Variants in RABGAP1L observed in about 807,000 individuals in gnomAD.
RABGAP1L encodes the protein RAB GTPase activating protein 1 like.
In RABGAP1L, 63 loss-of-function variants were observed where a neutral mutation model predicts 137.7. The observed-to-expected ratio is 0.46, with a 90% confidence interval of 0.37 to 0.56. RABGAP1L has a LOEUF of 0.56. Ranked by LOEUF, RABGAP1L falls within the 20% of genes least tolerant of loss-of-function variation. The pLI is 0.00. For missense variants in RABGAP1L, 1,095 were observed against 1,244.0 expected, an observed-to-expected ratio of 0.88 and a Z score of 1.80; for synonymous variants, 431 against 433.7, an observed-to-expected ratio of 0.99 and a Z score of 0.08.
chr1:174,552,749 G>A (rs747895490), intron 13 of RABGAP1L, among the ~76,000 whole-genome samples: 4 of 152,146 alleles, frequency 2.6e-5, no homozygotes, highest in Non-Finnish European at 5.9e-5. Context: ...TCAGTAATGG[G>A]TTTGCTGAGT....
chr1:174,784,661 T>A (rs1754357), intron 18 of RABGAP1L, among the ~76,000 whole-genome samples: 151,941 of 152,354 alleles, frequency 1, 75,768 homozygotes, highest in Middle Eastern at 1. Context: ...GAATCGGAGT[T>A]CAAAGCCAAG....
At chr1:174,503,994 A>G (rs1480053499) in intron 13 of RABGAP1L, among the ~76,000 whole-genome samples, 1 of 148,222 alleles carries the variant, frequency 6.7e-6, no homozygotes, top group African/African-American at 2.5e-5. Flanking sequence ...TTTTTTTGTG[A>G]CAAGGTCTGG....
chr1:174,482,767 A>T (rs1288307770), intron 13 of RABGAP1L, among the ~76,000 whole-genome samples: 1 of 152,206 alleles, frequency 6.6e-6, no homozygotes, highest in African/African-American at 2.4e-5. Flanking sequence ...GTGAGCCACC[A>T]TGCCCTCACA....
intron 2 of RABGAP1L, among the ~76,000 whole-genome samples, chr1:174,220,534 C>T (rs377206788): frequency 2.6e-5 from 4 of 151,824 alleles, no homozygotes; most frequent in African/African-American, 4.8e-5. Context: ...TGGGTGTGGT[C>T]GTGCACGCCT....
intron 13 of RABGAP1L, among the ~76,000 whole-genome samples, chr1:174,417,723 C>T (rs951401126): frequency 7.9e-5 from 12 of 152,050 alleles, no homozygotes; most frequent in Admixed American, 2.0e-4. Flanking sequence ...TTAACACAGT[C>T]GTTTTAAGAA....
intron 19 of RABGAP1L, among the ~76,000 whole-genome samples, chr1:174,956,450 T>C (rs750420692): frequency 2.6e-5 from 4 of 152,224 alleles, no homozygotes; most frequent in Non-Finnish European, 4.4e-5. Flanking sequence ...CATAGGAATC[T>C]AGTCTTTTTT....
intron 10 of RABGAP1L, among the ~76,000 whole-genome samples, chr1:174,289,905 G>A (rs2148713832): frequency 6.6e-6 from 1 of 152,278 alleles, no homozygotes; most frequent in Admixed American, 6.5e-5. Flanking sequence ...ACAGCTGGAT[G>A]GCATTACAGT....
At chr1:174,296,016 A>G (rs921399426) in intron 10 of RABGAP1L, among the ~76,000 whole-genome samples, 4 of 152,206 alleles carry the variant, frequency 2.6e-5, no homozygotes, top group African/African-American at 7.2e-5. Context: ...GGAAACACAG[A>G]CGTTTAAAAA....
At chr1:174,267,305 A>C (rs1674156260) in intron 7 of RABGAP1L, among the ~76,000 whole-genome samples, 2 of 152,196 alleles carry the variant, frequency 1.3e-5, no homozygotes, top group Non-Finnish European at 2.9e-5. Context: ...AGTATAGCAA[A>C]CTTTTACTTC....
At chr1:174,847,633 C>G (rs1329549214) in intron 19 of RABGAP1L, among the ~76,000 whole-genome samples, 1 of 132,624 alleles carries the variant, frequency 7.5e-6, no homozygotes, top group Non-Finnish European at 1.6e-5. Flanking sequence ...GAGGGTAACC[C>G]GACCTTTCTC....
chr1:174,367,828 A>G (rs921724594), intron 11 of RABGAP1L: 1 of 172,748 alleles, frequency 5.8e-6, no homozygotes, highest in Non-Finnish European at 1.3e-5. Flanking sequence ...CAAAACCAGA[A>G]TTCTGTTGGA....
At chr1:174,699,050 A>G (rs1679462413) in intron 15 of RABGAP1L, among the ~76,000 whole-genome samples, 1 of 151,712 alleles carries the variant, frequency 6.6e-6, no homozygotes, top group South Asian at 2.1e-4. Context: ...GCTGTAATGC[A>G]GTGACGTGAT....
chr1:174,531,627 G>C (rs1156635477), intron 13 of RABGAP1L, among the ~76,000 whole-genome samples: 1 of 151,906 alleles, frequency 6.6e-6, no homozygotes, highest in Non-Finnish European at 1.5e-5. Flanking sequence ...AAGCTACTTG[G>C]GGGGCCAAGG....
intron 13 of RABGAP1L, among the ~76,000 whole-genome samples, chr1:174,412,374 G>T (rs923446148): frequency 6.6e-6 from 1 of 152,076 alleles, no homozygotes; most frequent in African/African-American, 2.4e-5. Context: ...TGTGAGATGG[G>T]TCTCTTGAAG....
intron 14 of RABGAP1L, among the ~76,000 whole-genome samples, chr1:174,672,071 G>A (rs1439300214): frequency 6.6e-6 from 1 of 151,932 alleles, no homozygotes; most frequent in Non-Finnish European, 1.5e-5. Flanking sequence ...AGTTGCATAT[G>A]TACACAGATT....
chr1:174,455,306 C>G (rs1259552299), intron 13 of RABGAP1L, among the ~76,000 whole-genome samples: 3 of 152,048 alleles, frequency 2.0e-5, no homozygotes, highest in Admixed American at 6.5e-5. Flanking sequence ...AAAAGAAATA[C>G]CTATCATTGA....
At chr1:174,747,420 A>AC (rs1331555531) in intron 17 of RABGAP1L, among the ~76,000 whole-genome samples, 2 of 151,558 alleles carry the variant, frequency 1.3e-5, no homozygotes, top group African/African-American at 4.8e-5. Context: ...AAAAAAAAAA[A>AC]AAAAAACCTG....
chr1:174,166,483 G>A (rs1306537691), intron 1 of RABGAP1L, among the ~76,000 whole-genome samples: 1 of 152,164 alleles, frequency 6.6e-6, no homozygotes. Context: ...GTAAGGAATT[G>A]ATGGCTTCTT....
intron 1 of RABGAP1L, among the ~76,000 whole-genome samples, chr1:174,191,824 C>T: frequency 6.6e-6 from 1 of 152,236 alleles, no homozygotes; most frequent in East Asian, 1.9e-4. Context: ...GACACACTGA[C>T]TCAGGAACAG....
Sources: allele counts gnomAD v4.1 joint callset (sites outside exome capture counted in the v4.1 genomes callset), GRCh38; gene constraint gnomAD v4.1.1; transcripts MANE v1.5; gene names NCBI Gene and HGNC (gene_info 2026-07-23, HGNC 2026-07-21).